Variants in TET1 observed in about 807,000 individuals in gnomAD.
The protein encoded by TET1 is tet methylcytosine dioxygenase 1.
A neutral mutation model predicts 148.7 loss-of-function variants in TET1; 13 were observed. That is an observed-to-expected ratio of 0.09 (90% CI 0.06 to 0.14). The LOEUF is 0.14. Ranked by LOEUF, TET1 falls within the 10% of genes least tolerant of loss-of-function variation. TET1 has a pLI of 1.00. For synonymous variants in TET1, 907 were observed against 937.2 expected (o/e 0.97, Z 0.59); for missense variants, 2,182 against 2,553.8 (o/e 0.85, Z 3.14).
chr10:68,659,362 C>T (rs192528703), intron 6 of TET1, among the ~76,000 whole-genome samples: 15 of 152,256 alleles, frequency 9.9e-5, no homozygotes, highest in Admixed American at 8.5e-4. Flanking sequence ...AAGTCTTGCT[C>T]TGTTGCCCAG....
intron 3 of TET1, among the ~76,000 whole-genome samples, chr10:68,607,878 A>G (rs916112077): frequency 5.3e-5 from 8 of 150,568 alleles, no homozygotes; most frequent in Non-Finnish European, 1.2e-4. Flanking sequence ...TTTGATGGTA[A>G]GGTTTGCCAA....
At chr10:68,685,957 T>C (rs1364278015) in intron 10 of TET1, among the ~76,000 whole-genome samples, 1 of 152,212 alleles carries the variant, frequency 6.6e-6, no homozygotes, top group Non-Finnish European at 1.5e-5. Flanking sequence ...ATCAGAAATA[T>C]GGTGCTATGT....
intron 2 of TET1, among the ~76,000 whole-genome samples, chr10:68,590,502 G>A (rs2053907099): frequency 6.6e-6 from 1 of 152,112 alleles, no homozygotes; most frequent in African/African-American, 2.4e-5. Flanking sequence ...GAGTCTACTG[G>A]AGGTTGACTT....
At chr10:68,656,855 G>T (rs899575476) in intron 6 of TET1, among the ~76,000 whole-genome samples, 1 of 151,414 alleles carries the variant, frequency 6.6e-6, no homozygotes, top group South Asian at 2.1e-4. Flanking sequence ...GTGAAACTCC[G>T]TCTCTAGTAA....
chr10:68,622,138 G>T (rs1266220180), intron 3 of TET1, among the ~76,000 whole-genome samples: 1 of 151,942 alleles, frequency 6.6e-6, no homozygotes, highest in Non-Finnish European at 1.5e-5. Flanking sequence ...TTTTTTGGGT[G>T]CAGGATTCCA....
At chr10:68,659,636 C>T (rs1386995035) in intron 6 of TET1, among the ~76,000 whole-genome samples, 1 of 152,150 alleles carries the variant, frequency 6.6e-6, no homozygotes, top group Admixed American at 6.5e-5. Flanking sequence ...AACTGACTTA[C>T]ATGTTTTTCT....
chr10:68,636,142 C>T (rs2054647279), intron 3 of TET1, among the ~76,000 whole-genome samples: 1 of 152,070 alleles, frequency 6.6e-6, no homozygotes, highest in Non-Finnish European at 1.5e-5. Context: ...AAGGTTTTTC[C>T]TCCTTTGGGA....
rs181920496 is a variant in TET1 at position 68,691,956 on chromosome 10, C to T, written c.*142C>T. On this transcript the variant is annotated 3_prime_UTR_variant, in exon 12 of 12. Transcript: ENST00000373644. This position sits in a 1 kb window ranked among gnomAD's most constrained non-coding sequence, Gnocchi z 4.4. ...TAAAAAAATAATAATGATAACAAAA[C>T]GGGGTGGGTATTCTTAACTGTGACT... The T allele has an allele frequency of 1.6e-4, 159 of 1,005,198 alleles. No homozygotes were observed. Among genetic ancestry groups the T allele is most frequent in the African/African-American group, 1.5e-3 (93 of 62,166 alleles). The allele number at this position is 1,005,198 out of a possible 1,614,324, so 62.3% of individuals were successfully genotyped here.
chr10:68,685,158 G>A (rs1212581259), intron 10 of TET1, among the ~76,000 whole-genome samples: 1 of 152,098 alleles, frequency 6.6e-6, no homozygotes, highest in Non-Finnish European at 1.5e-5. Flanking sequence ...GAGAGACTGA[G>A]GCAGGAGAAA....
At chr10:68,574,306 A>G (rs1688840528) in intron 2 of TET1, 54 bp downstream of exon 2, 1 of 1,423,690 alleles carries the variant, frequency 7.0e-7, no homozygotes, top group Non-Finnish European at 9.6e-7. Context: ...ATAGTGATCT[A>G]TATGCAGAGA....
At chr10:68,652,004 C>G in intron 5 of TET1, 68 bp downstream of exon 5, 2 of 1,390,426 alleles carry the variant, frequency 1.4e-6, no homozygotes, top group Non-Finnish European at 2.0e-6. Context: ...GATAAATCAT[C>G]TCTAAGAACA....
intron 4 of TET1, among the ~76,000 whole-genome samples, chr10:68,651,019 T>C (rs1397322310): frequency 6.6e-6 from 1 of 152,220 alleles, no homozygotes; most frequent in Non-Finnish European, 1.5e-5. Flanking sequence ...TTTATAAATA[T>C]TATTGTTTCA....
chr10:68,570,388 A>T (rs139263394), intron 1 of TET1, among the ~76,000 whole-genome samples: 9,572 of 152,004 alleles, frequency 0.063, 426 homozygotes, highest in Non-Finnish European at 0.1. Context: ...TACAGGCGTG[A>T]GCCACCGCGC....
At position 68,646,779 on chromosome 10, in the gene TET1, A is replaced by G. The variant is rs1473824079; in HGVS notation, c.4050A>G (p.Ala1350=). The change falls in exon 4 of 12, where the codon GCA becomes GCG. Residue 1350 remains alanine (A), a synonymous_variant. Transcript: ENST00000373644. ...ISHETPLPES[A]LTLRNVNVVC... The stretch of plus-strand genomic sequence containing the variant: ...ATGAAACACCCTTACCGGAGTCAGC[A>G]CTAACTCTCAGGAATGTAAATGTAG... 32 of 1,614,166 alleles carry G rather than the reference A, an allele frequency of 2.0e-5. No individual in the cohort carries two copies. Among genetic ancestry groups the G allele is most frequent in the Non-Finnish European group, 2.6e-5 (31 of 1,180,032 alleles).
At chr10:68,590,157 G>C (rs1187442738) in intron 2 of TET1, among the ~76,000 whole-genome samples, 2 of 152,014 alleles carry the variant, frequency 1.3e-5, no homozygotes, top group Admixed American at 6.6e-5. Flanking sequence ...CTGTTGCCCA[G>C]TCTGGAGTGC....
chr10:68,669,477 T>TC (rs2055240917), intron 7 of TET1, among the ~76,000 whole-genome samples: 2 of 137,736 alleles, frequency 1.5e-5, no homozygotes, highest in African/African-American at 5.4e-5. Flanking sequence ...TGCCCAGCTT[T>TC]TTTTTTTTTT....
rs1043584996 is a variant in TET1 at position 68,694,471 on chromosome 10, C to T, written c.*2657C>T. The T allele has an allele frequency of 3.5e-5, 8 of 231,312 alleles. No individual in the cohort carries two copies. The highest frequency in any genetic ancestry group is 2.2e-5 in the African/African-American group (1 of 45,240). 14.3% of individuals were successfully genotyped at this position (231,312 alleles called of 1,614,324 possible). ...AAGGAAATAAATTTGTTTGAAATGA[C>T]ATTTTCTCTCATAAAACTGGTCATC... On this transcript the variant is annotated 3_prime_UTR_variant, in exon 12 of 12. Transcript: ENST00000373644.
rs1242395225 is a variant in TET1, at chr10:68,646,104, G to A, written c.3375G>A (p.Gln1125=). 1.2e-6 allele frequency: 2 copies of A among 1,613,950 alleles called. No individual in the cohort carries two copies. Among genetic ancestry groups the A allele is most frequent in the Non-Finnish European group, 8.5e-7 (1 of 1,180,004 alleles). ...ATCAGGAGAAGGGCACAATACAACAGAAACCACCTTCAAGTGTACACAATA... is the reference window on the plus strand; with the variant it reads ...ATCAGGAGAAGGGCACAATACAACAAAAACCACCTTCAAGTGTACACAATA... ...KYNQEKGTIQ[Q]KPPSSVHNNH... The change falls in exon 4 of 12, where the codon CAG becomes CAA. Residue 1125 remains glutamine (Q), a synonymous_variant. Coordinates refer to ENST00000373644, the MANE Select transcript of TET1 (RefSeq NM_030625.3).
chr10:68,653,661 ATG>A (rs994247608), intron 6 of TET1, among the ~76,000 whole-genome samples: 4 of 152,148 alleles, frequency 2.6e-5, no homozygotes, highest in African/African-American at 9.7e-5. Flanking sequence ...GAGAATTTAC[ATG>A]TTTCTTGTTT....
Sources: allele counts gnomAD v4.1 joint callset (sites outside exome capture counted in the v4.1 genomes callset), GRCh38; gene constraint gnomAD v4.1.1; non-coding constraint Gnocchi (gnomAD v3.1); transcripts MANE v1.5; gene names NCBI Gene and HGNC (gene_info 2026-07-23, HGNC 2026-07-21).